The following RAPGEF1 variants were observed in gnomAD, a reference collection of about 807,000 sequenced individuals.
RAPGEF1 encodes the protein Rap guanine nucleotide exchange factor 1.
Under a neutral mutation model 143.3 loss-of-function variants are expected in RAPGEF1, and 33 were observed. The observed-to-expected ratio is 0.23, with a 90% CI of 0.17 to 0.31. The LOEUF is 0.31. RAPGEF1 is among the 10% of genes least tolerant of loss of function. The pLI is 1.00. For synonymous variants in RAPGEF1, 629 were observed against 676.5 expected (o/e 0.93, Z 1.09); for missense variants, 1,199 against 1,645.4 (o/e 0.73, Z 4.69).
chr9:131,616,784 A>G (rs1959077210), intron 12 of RAPGEF1, among the ~76,000 whole-genome samples: 1 of 152,168 alleles, frequency 6.6e-6, no homozygotes, highest in South Asian at 2.1e-4. Context: ...TAGTAATCCA[A>G]AGCTCTATGT....
Position 131,586,609 on chromosome 9 carries a change from AAC to A in RAPGEF1, c.3233+1125_3233+1126del, listed in dbSNP as rs756135700. On this transcript the variant is annotated intron_variant, in intron 22 of 26. Transcript: ENST00000683357. ...ACCTGCAGAGCGAGACTCCGTCTCA[AAC>A]ACACACACACACACACACCTGCAGA... 8.7e-3 allele frequency among the ~76,000 whole-genome samples: 356 copies of A among 41,042 alleles called. 29 individuals are homozygous for A. The highest frequency in any genetic ancestry group is 0.039 in the African/African-American group (279 of 7,148). The allele number at this position is 41,042 out of a possible 152,430, so 26.9% of individuals were successfully genotyped here.
At chr9:131,738,876 T>C (rs990157946) in intron 1 of RAPGEF1, among the ~76,000 whole-genome samples, 1 of 152,130 alleles carries the variant, frequency 6.6e-6, no homozygotes, top group African/African-American at 2.4e-5. Flanking sequence ...CAGACCTCCT[T>C]TGCAGCTCCC....
Position 131,621,967 on chromosome 9 carries a change from G to A in RAPGEF1, c.1734C>T (p.Tyr578=), listed in dbSNP as rs780348026. The part of the protein sequence containing the change: ...MLAYMQLLED[Y]SEPQPSMFYQ... ...AGAACATAGAGGGCTGCGGCTCCGA[G>A]TAGTCCTCCAGCAACTGCATGTAGG... The change falls in exon 11 of 27, where the codon TAC becomes TAT. Residue 578 remains tyrosine (Y), a synonymous_variant. Coordinates refer to ENST00000683357, the MANE Select transcript of RAPGEF1 (RefSeq NM_001377935.1). The surrounding 1 kb of genome is among the most constrained non-coding windows in gnomAD (Gnocchi z 4.5). 2.5e-6 allele frequency: 4 copies of A among 1,613,512 alleles called. No homozygotes were observed. The highest frequency in any genetic ancestry group is 3.4e-6 in the Non-Finnish European group (4 of 1,179,742).
At chr9:131,726,349 G>A (rs942497196) in intron 1 of RAPGEF1, among the ~76,000 whole-genome samples, 2 of 152,050 alleles carry the variant, frequency 1.3e-5, no homozygotes, top group South Asian at 2.1e-4. Context: ...AATGCTGGCC[G>A]GGCACAGTGG....
intron 1 of RAPGEF1, chr9:131,737,462 G>T: frequency 6.2e-7 from 1 of 1,613,852 alleles, no homozygotes; most frequent in South Asian, 1.1e-5. Context: ...TAGAAACTGT[G>T]CTAGGTTAGA....
intron 1 of RAPGEF1, chr9:131,709,903 A>C: frequency 2.0e-6 from 2 of 985,430 alleles, no homozygotes; most frequent in Non-Finnish European, 1.2e-6. Context: ...GGAAATCAGA[A>C]GAAAGGGCTT....
At chr9:131,649,724 C>A (rs1470748613) in intron 3 of RAPGEF1, among the ~76,000 whole-genome samples, 1 of 152,190 alleles carries the variant, frequency 6.6e-6, no homozygotes. Context: ...CTGCACTCCA[C>A]CAGCCTTGTG....
At chr9:131,626,957 T>C (rs1475213062) in intron 9 of RAPGEF1, among the ~76,000 whole-genome samples, 1 of 149,166 alleles carries the variant, frequency 6.7e-6, no homozygotes. Context: ...AAAAATTGGC[T>C]GGGCACGCTG....
chr9:131,596,427 T>C, intron 16 of RAPGEF1, 54 bp from the exon 17 acceptor site: 1 of 1,566,680 alleles, frequency 6.4e-7, no homozygotes, highest in Non-Finnish European at 8.8e-7. Context: ...CTTCAGAGAA[T>C]CAGTTTAGGA....
At chr9:131,615,792 C>T (rs1388616115) in intron 12 of RAPGEF1, among the ~76,000 whole-genome samples, 2 of 152,202 alleles carry the variant, frequency 1.3e-5, no homozygotes, top group Non-Finnish European at 2.9e-5. Context: ...AAAATCCCGA[C>T]TGCCCTTCAA....
chr9:131,633,431 C>T (rs752153163), intron 5 of RAPGEF1, among the ~76,000 whole-genome samples: 1 of 152,222 alleles, frequency 6.6e-6, no homozygotes, highest in Non-Finnish European at 1.5e-5. Context: ...TTCAGATTCA[C>T]TCTTCTTTAC....
intron 12 of RAPGEF1, among the ~76,000 whole-genome samples, chr9:131,612,875 A>G (rs11243453): frequency 0.097 from 14,694 of 152,248 alleles, 1,064 homozygotes; most frequent in African/African-American, 0.19. Flanking sequence ...GCCTCAGGTC[A>G]GTAGGGAAGG....
intron 1 of RAPGEF1, among the ~76,000 whole-genome samples, chr9:131,711,547 G>A (rs1401423962): frequency 6.6e-6 from 1 of 151,412 alleles, no homozygotes; most frequent in Admixed American, 6.6e-5. Flanking sequence ...AGTCGAGATG[G>A]GGGATCTGCC....
chr9:131,719,498 C>T (rs17148215), intron 1 of RAPGEF1, among the ~76,000 whole-genome samples: 3,487 of 148,972 alleles, frequency 0.023, 142 homozygotes, highest in African/African-American at 0.081. Context: ...TACTGGGCAG[C>T]GGCTTCAACC....
chr9:131,615,384 G>GTTTTTTCCA (rs1958808197), intron 12 of RAPGEF1, among the ~76,000 whole-genome samples: 1 of 152,202 alleles, frequency 6.6e-6, no homozygotes, highest in Non-Finnish European at 1.5e-5. Flanking sequence ...GGAGGAAGGT[G>GTTTTTTCCA]TTTTTTCCAA....
chr9:131,691,779 T>C (rs1833797909), intron 1 of RAPGEF1, among the ~76,000 whole-genome samples: 1 of 152,192 alleles, frequency 6.6e-6, no homozygotes, highest in Non-Finnish European at 1.5e-5. Context: ...CAAAAATTAA[T>C]TACATGAGAC....
chr9:131,681,899 A>C (rs567773135), intron 1 of RAPGEF1, among the ~76,000 whole-genome samples: 11 of 152,344 alleles, frequency 7.2e-5, no homozygotes, highest in African/African-American at 2.6e-4. Context: ...AGTCTCTTAA[A>C]AAGATGACTG....
At chr9:131,617,567 G>C (rs1343404111) in intron 12 of RAPGEF1, among the ~76,000 whole-genome samples, 1 of 151,968 alleles carries the variant, frequency 6.6e-6, no homozygotes, top group African/African-American at 2.4e-5. Context: ...TTACAGAGGG[G>C]GAAAAAAGGC....
At chr9:131,644,271 T>A in intron 3 of RAPGEF1, among the ~76,000 whole-genome samples, 1 of 152,062 alleles carries the variant, frequency 6.6e-6, no homozygotes, top group East Asian at 1.9e-4. Context: ...TCTCTCCAAC[T>A]TCCCCTCTAC....
Sources: gnomAD v4.1 joint callset for allele counts (sites outside exome capture counted in the v4.1 genomes callset) on GRCh38, gnomAD v4.1.1 for gene constraint, Gnocchi (gnomAD v3.1) non-coding constraint, MANE v1.5 for transcripts, NCBI Gene and HGNC (gene_info 2026-07-23, HGNC 2026-07-21) for gene names.